KDM6B: variants seen among roughly 807,000 people sequenced by gnomAD.
The protein encoded by KDM6B is lysine-specific demethylase 6B.
Under a neutral mutation model 150.4 loss-of-function variants are expected in KDM6B, and 22 were observed. The observed-to-expected ratio is 0.15, with a 90% CI of 0.10 to 0.21. The LOEUF is 0.21. Among genes scored for constraint, KDM6B ranks in the 10% least tolerant of loss-of-function variants. The probability of loss-of-function intolerance (pLI) is 1.00; values close to 1 mark genes in which losing one functional copy is unlikely to be tolerated. For synonymous variants in KDM6B, 1,148 were observed against 921.1 expected (o/e 1.25, Z -4.46); for missense variants, 1,984 against 2,234.3 (o/e 0.89, Z 2.26).
chr17:7,842,878 G>A (rs922564788), intron 2 of KDM6B, among the ~76,000 whole-genome samples: 1 of 152,082 alleles, frequency 6.6e-6, no homozygotes, highest in Non-Finnish European at 1.5e-5. Flanking sequence ...GGGCGGGGGG[G>A]CGAGTGAGGA....
chr17:7,850,921 C>A (rs971687109), intron 14 of KDM6B, 100 bp from the exon 15 acceptor site: 2 of 1,083,358 alleles, frequency 1.8e-6, no homozygotes, highest in Admixed American at 4.0e-5. Context: ...CTATGACCAC[C>A]CTGTCAGAGC....
intron 1 of KDM6B, among the ~76,000 whole-genome samples, chr17:7,838,391 G>A (rs1282048698): frequency 1.0e-5 from 1 of 97,148 alleles, no homozygotes; most frequent in Non-Finnish European, 2.1e-5. Context: ...TTGACTCCGG[G>A]ACTCAGGGAC....
intron 21 of KDM6B, 90 bp downstream of exon 21, chr17:7,852,726 C>T (rs1238321912): frequency 6.4e-7 from 1 of 1,559,772 alleles, no homozygotes; most frequent in African/African-American, 1.4e-5. Context: ...TTTTACCTCT[C>T]TCCATCCTTG....
Position 7,851,236 on chromosome 17 carries a change from G to C in KDM6B, c.3879+10G>C. On this transcript the variant is annotated intron_variant, in intron 15 of 23. Coordinates refer to ENST00000448097, the MANE Select transcript of KDM6B (RefSeq NM_001348716.2). Reference sequence around the variant, plus strand: ...CCAGGAGTCTCTGCAGGTGAGATGAGAACGTGGCCAGAGGCAGGTCCTGGG... The same window carrying C: ...CCAGGAGTCTCTGCAGGTGAGATGACAACGTGGCCAGAGGCAGGTCCTGGG... 1 of 1,614,072 alleles carries C rather than the reference G, an allele frequency of 6.2e-7. No homozygotes were observed.
At position 7,846,612 on chromosome 17, in the gene KDM6B, C is replaced by G. The variant is rs777283349; in HGVS notation, c.583C>G (p.Pro195Ala). The change falls in exon 9 of 24, where the codon CCC (proline) becomes GCC (alanine). Residue 195 changes from proline (P) to alanine (A), a missense_variant. By Grantham distance (27) the Pro-to-Ala change is conservative (BLOSUM62 -1). Coordinates refer to ENST00000448097, the MANE Select transcript of KDM6B (RefSeq NM_001348716.2). The stretch of plus-strand genomic sequence containing the variant: ...GAACTATGGAGCCAAGCGGGGAGGT[C>G]CCCCGGTGAAGCGAGCTGCTGAACC... ...KRNYGAKRGG[P>A]PVKRAAEPPV... 1.7e-5 allele frequency: 27 copies of G among 1,614,080 alleles called. 1 individual carries two copies. In the South Asian group the frequency reaches 2.2e-4, roughly 13 times the overall value.
In KDM6B at chr17:7,849,654, G is replaced by A. The variant is rs775214900; in HGVS notation, c.3366G>A (p.Glu1122=). 5.6e-6 allele frequency: 9 copies of A among 1,611,098 alleles called. No individual in the cohort carries two copies. Among genetic ancestry groups the A allele is most frequent in the South Asian group, 4.4e-5 (4 of 91,086 alleles). The change falls in exon 12 of 24, where the codon GAG becomes GAA. Residue 1122 remains glutamate, a synonymous_variant. Coordinates refer to ENST00000448097, the MANE Select transcript of KDM6B (RefSeq NM_001348716.2). ...ACAAGGAGACCTTTATCGCCTCTGA[G>A]GTGGAAGAGCGGCGGCTGCGCATGG... ...SGDKETFIAS[E]VEERRLRMAD... is the part of the protein sequence containing the mutation.
chr17:7,847,683 T>G lies in KDM6B; in HGVS notation c.1395T>G (p.Pro465=). 1 of 1,585,716 alleles carries G rather than the reference T, an allele frequency of 6.3e-7. No homozygotes were observed. The highest frequency in any genetic ancestry group is 8.6e-7 in the Non-Finnish European group (1 of 1,166,010). The change falls in exon 12 of 24, where the codon CCT becomes CCG. Residue 465 remains proline, a synonymous_variant. Transcript: ENST00000448097. ...CCCACCTATCCCTGCCACCTGGACCTTCCTCACCCCCTCCACCCCCCTGTC... is the reference window on the plus strand; with the variant it reads ...CCCACCTATCCCTGCCACCTGGACCGTCCTCACCCCCTCCACCCCCCTGTC... ...ATPHLSLPPG[P]SSPPPPPCPR... is the part of the protein sequence containing the mutation.
rs2151374728 is a variant in KDM6B, at chr17:7,844,726, T to G, written c.-268-175T>G. Among the ~76,000 whole-genome samples, 1 of 152,258 alleles carries G rather than the reference T, an allele frequency of 6.6e-6. No homozygotes were observed. The highest frequency in any genetic ancestry group is 1.9e-4 in the East Asian group (1 of 5,174). ...GGCCTCATCCGCATGCGTCTTGTCC[T>G]GGCTGCCTTCTGGCCCTGACGGCCG... On this transcript the variant is annotated intron_variant, in intron 2 of 23. Transcript: ENST00000448097. This position sits in a 1 kb window ranked among gnomAD's most constrained non-coding sequence, Gnocchi z 5.9.
At position 7,847,863 on chromosome 17, in the gene KDM6B, C is replaced by T. The variant is rs1212847230; in HGVS notation, c.1575C>T (p.Phe525=). 1 of 1,293,034 alleles carries T rather than the reference C, an allele frequency of 7.7e-7. No homozygotes were observed. Among genetic ancestry groups the T allele is most frequent in the East Asian group, 4.6e-5 (1 of 21,524 alleles). 80.1% of individuals were successfully genotyped at this position (1,293,034 alleles called of 1,614,324 possible). A position where few individuals can be genotyped will look rare whatever the true frequency, so the allele number is the denominator to read the frequency against. Residue 525 remains phenylalanine, a synonymous_variant, in exon 12 of 24, where the codon TTC becomes TTT. Coordinates refer to ENST00000448097, the MANE Select transcript of KDM6B (RefSeq NM_001348716.2). ...CACCCCTCCCCCATCGCGAGGGCTT[C>T]TTGGGGCCTCCGGCCTCCCGCTTTT... ...APPPLPHREG[F]LGPPASRFSV...
chr17:7,849,014 C>T lies in KDM6B; in HGVS notation c.2726C>T (p.Ser909Phe). 6.3e-7 allele frequency: 1 copy of T among 1,599,874 alleles called. No individual in the cohort carries two copies. Among genetic ancestry groups the T allele is most frequent in the Non-Finnish European group, 8.5e-7 (1 of 1,171,788 alleles). ...CCCCTATCTCTGCCCCCTGCTCGCT[C>T]TGAGTCTGAGGTGCTAGAAGAGATC... The part of the protein sequence containing the change: ...PPPLSLPPAR[S>F]ESEVLEEISR... The change falls in exon 12 of 24, where the codon TCT (serine) becomes TTT (phenylalanine). Residue 909 changes from serine to phenylalanine, a missense_variant. Physicochemically the swap from Ser to Phe is radical, Grantham distance 155. Transcript: ENST00000448097.
chr17:7,835,111 GC>G (rs999891856), intron 1 of KDM6B, among the ~76,000 whole-genome samples: 1 of 151,992 alleles, frequency 6.6e-6, no homozygotes, highest in African/African-American at 2.4e-5. Context: ...GTAGGCTGAG[GC>G]CCCCACTTGA....
At chr17:7,835,403 G>A (rs757664559) in intron 1 of KDM6B, among the ~76,000 whole-genome samples, 10 of 152,120 alleles carry the variant, frequency 6.6e-5, no homozygotes, top group Non-Finnish European at 1.3e-4. Flanking sequence ...AGCCCTGGGA[G>A]GAAGGCGGGG....
chr17:7,843,364 T>TA lies in KDM6B; in HGVS notation c.-268-1536dup, dbSNP rs1355376354. ...TTACTGATGGAAAGGATGCTGCCTC[T>TA]AGTGAGGAGAGAGTTCTGACAGTAA... On this transcript the variant is annotated intron_variant, in intron 2 of 23. Coordinates refer to ENST00000448097, the MANE Select transcript of KDM6B (RefSeq NM_001348716.2). The surrounding 1 kb of genome is among the most constrained non-coding windows in gnomAD (Gnocchi z 4.5). 6.6e-6 allele frequency among the ~76,000 whole-genome samples: 1 copy of TA among 152,136 alleles called. No individual in the cohort carries two copies. Among genetic ancestry groups the TA allele is most frequent in the Non-Finnish European group, 1.5e-5 (1 of 68,024 alleles).
rs201830454 is a variant in KDM6B at position 7,847,198 on chromosome 17, C to G, written c.1003C>G (p.Pro335Ala). The G allele has an allele frequency of 5.4e-5, 86 of 1,600,574 alleles. No homozygotes were observed. The East Asian group carries it at 1.3e-3, about 24-fold the overall frequency. ...PGHRLVPAAPPGPGPRPPGAE... is the reference protein window; with the variant it reads ...PGHRLVPAAPAGPGPRPPGAE... ...CCACCGGCTGGTCCCGGCTGCTCCC[C>G]CAGGCCCAGGCCCCCGCCCCCCAGG... The change falls in exon 11 of 24, where the codon CCA becomes GCA. Residue 335 changes from proline (P) to alanine (A), a missense_variant. Physicochemically the swap from Pro to Ala is conservative, Grantham distance 27. Coordinates refer to ENST00000448097, the MANE Select transcript of KDM6B (RefSeq NM_001348716.2).
In KDM6B at chr17:7,848,259, G is replaced by A. The variant is rs778992684; in HGVS notation, c.1971G>A (p.Pro657=). The A allele has an allele frequency of 2.0e-5, 33 of 1,610,420 alleles. No homozygotes were observed. The highest frequency in any genetic ancestry group is 5.0e-5 in the Admixed American group (3 of 59,734). ...GPLSKAPQPV[P]PGVGELPARG... is the part of the protein sequence containing the mutation. ...TGAGTAAAGCCCCCCAGCCTGTGCC[G>A]CCCGGGGTTGGGGAGCTGCCTGCCC... is the stretch of plus-strand genomic sequence containing the variant. Residue 657 remains proline (P), a synonymous_variant, in exon 12 of 24, where the codon CCG becomes CCA. Coordinates refer to ENST00000448097, the MANE Select transcript of KDM6B (RefSeq NM_001348716.2).
intron 7 of KDM6B, 29 bp from the exon 8 acceptor site, chr17:7,846,371 G>GGGGGGGGGCCGGGGCCCCCCCCC: frequency 6.7e-7 from 1 of 1,488,920 alleles, no homozygotes; most frequent in Non-Finnish European, 9.2e-7. Flanking sequence ...CCTGACATCT[G>GGGGGGGGGCCGGGGCCCCCCCCC]CCCCTGCCCC....
intron 14 of KDM6B, 51 bp downstream of exon 14, chr17:7,850,228 A>G (rs2078664113): frequency 3.5e-6 from 5 of 1,439,546 alleles, no homozygotes; most frequent in Non-Finnish European, 3.9e-6. Flanking sequence ...GGTCTGGGGC[A>G]TGTAGGACCC....
In KDM6B at chr17:7,845,655, A is replaced by ATCCCCCTCC; in HGVS notation, c.104_112dup (p.Pro35_Pro37dup). 6.2e-7 allele frequency: 1 copy of ATCCCCCTCC among 1,614,076 alleles called. No homozygotes were observed. Among genetic ancestry groups the ATCCCCCTCC allele is most frequent in the Non-Finnish European group, 8.5e-7 (1 of 1,180,006 alleles). ...GGGGCCTGGAGCTCCTGCCCGCCTCATCCCCCTCCTCGTAGCGCATGGCTG... is the reference window on the plus strand; with the variant it reads ...GGGGCCTGGAGCTCCTGCCCGCCTCATCCCCCTCCTCCCCCTCCTCGTAGCGCATGGCTG... On this transcript the variant is annotated inframe_insertion, in exon 5 of 24. Transcript: ENST00000448097.
At chr17:7,836,857 TGGGATGATGTCACTAGTGCACGTGCCCC>T (rs2078340714) in intron 1 of KDM6B, among the ~76,000 whole-genome samples, 1 of 152,206 alleles carries the variant, frequency 6.6e-6, no homozygotes, top group South Asian at 2.1e-4. Flanking sequence ...AGAGGTGGCC[TGGGATGATGTCACTAGTGCACGTGCCCC>T]GGGATGGTTG....
Sources: gnomAD v4.1 joint callset for allele counts (sites outside exome capture counted in the v4.1 genomes callset) on GRCh38, gnomAD v4.1.1 for gene constraint, Gnocchi (gnomAD v3.1) non-coding constraint, MANE v1.5 for transcripts, NCBI Gene and HGNC (gene_info 2026-07-23, HGNC 2026-07-21) for gene names.